The following HELLS variants were observed in gnomAD, a reference collection of about 807,000 sequenced individuals.
HELLS encodes the protein lymphoid-specific helicase.
Under a neutral mutation model 120.0 loss-of-function variants are expected in HELLS, and 32 were observed. That is an observed-to-expected ratio of 0.27 (90% confidence interval 0.20 to 0.36). The LOEUF is 0.36. Ranked by LOEUF, HELLS falls within the 10% of genes least tolerant of loss-of-function variation. The pLI, the probability that HELLS is intolerant of heterozygous loss-of-function variation, is 1.00. For synonymous variants in HELLS, 341 were observed against 323.4 expected, an observed-to-expected ratio of 1.05 and a Z score of -0.58; for missense variants, 650 against 993.4, an observed-to-expected ratio of 0.65 and a Z score of 4.65.
At chr10:94,591,227 T>A (rs922718747) in intron 15 of HELLS, among the ~76,000 whole-genome samples, 5 of 152,244 alleles carry the variant, frequency 3.3e-5, no homozygotes, top group African/African-American at 1.2e-4. Flanking sequence ...GTTTACTTGT[T>A]ATATTTTAGA....
chr10:94,576,463 TTTTG>T (rs1004683749), intron 9 of HELLS, among the ~76,000 whole-genome samples, 195 bp from the exon 10 acceptor site: 6 of 151,380 alleles, frequency 4.0e-5, no homozygotes, highest in African/African-American at 7.4e-5. Context: ...GACTTTGTTT[TTTTG>T]TTTGTTTTTT....
intron 12 of HELLS, among the ~76,000 whole-genome samples, chr10:94,587,282 A>G (rs1363478948): frequency 6.6e-6 from 1 of 152,216 alleles, no homozygotes; most frequent in Admixed American, 6.5e-5. Flanking sequence ...TTTTGGGTAC[A>G]TAGTAGATGT....
intron 6 of HELLS, among the ~76,000 whole-genome samples, chr10:94,568,819 A>G (rs1340376034): frequency 6.6e-6 from 1 of 151,542 alleles, no homozygotes. Flanking sequence ...TTTAGAGGAT[A>G]GTAAATTGAA....
At chr10:94,594,916 TTTTTA>T (rs1845668357) in intron 19 of HELLS, 62 bp downstream of exon 19, 3 of 1,309,834 alleles carry the variant, frequency 2.3e-6, no homozygotes, top group Non-Finnish European at 2.1e-6. Context: ...GTGGATTTTG[TTTTTA>T]TTTTGTTTAT....
At chr10:94,601,081 A>C (rs1381332583) in intron 21 of HELLS, among the ~76,000 whole-genome samples, 2 of 152,222 alleles carry the variant, frequency 1.3e-5, no homozygotes, top group East Asian at 3.8e-4. Context: ...ATGTTGATAA[A>C]AATTTAGGAG....
chr10:94,588,669 T>C (rs1464751204), intron 13 of HELLS, among the ~76,000 whole-genome samples: 1 of 152,130 alleles, frequency 6.6e-6, no homozygotes, highest in Non-Finnish European at 1.5e-5. Flanking sequence ...GTTTTAGCAA[T>C]TGTGCCTGGC....
intron 10 of HELLS, among the ~76,000 whole-genome samples, chr10:94,579,720 T>G (rs991489652): frequency 6.6e-6 from 1 of 151,952 alleles, no homozygotes. Flanking sequence ...TCTTGTATTT[T>G]TTTGTAGGAA....
rs572027707 is a variant in HELLS at position 94,560,813 on chromosome 10, T to C, written c.334-1878T>C. On this transcript the variant is annotated intron_variant, in intron 4 of 21. Transcript: ENST00000348459. ...GCTCACGCCTGCAATCCCAGCACTT[T>C]GGGAGGCCAAGGTGGGCCGATCATC... is the stretch of plus-strand genomic sequence containing the variant. 2.0e-5 allele frequency among the ~76,000 whole-genome samples: 3 copies of C among 152,164 alleles called. No individual in the cohort carries two copies. In the East Asian group the frequency reaches 5.8e-4, roughly 29 times the overall value.
At chr10:94,567,207 G>A (rs572037558) in intron 6 of HELLS, among the ~76,000 whole-genome samples, 7 of 152,160 alleles carry the variant, frequency 4.6e-5, no homozygotes, top group Non-Finnish European at 8.8e-5. Flanking sequence ...CTGGGTCTTT[G>A]CCTTTCAATT....
chr10:94,585,947 T>C lies in HELLS; in HGVS notation c.1327-2282T>C, dbSNP rs533739913. 3.9e-5 allele frequency among the ~76,000 whole-genome samples: 6 copies of C among 152,270 alleles called. No homozygotes were observed. In the South Asian group the frequency reaches 1.0e-3, roughly 26 times the overall value. ...AAGCTTGTATACTAGGAAAAACATA[T>C]ATAAATACCTTTTTTATACATGTGT... On this transcript the variant is annotated intron_variant, in intron 12 of 21. Coordinates refer to ENST00000348459, the MANE Select transcript of HELLS (RefSeq NM_018063.5).
At position 94,576,794 on chromosome 10, in the gene HELLS, A is replaced by C. The variant is rs757695351; in HGVS notation, c.1021A>C (p.Asn341His). The C allele has an allele frequency of 3.1e-6, 5 of 1,606,816 alleles. No homozygotes were observed. The highest frequency in any genetic ancestry group is 4.2e-6 in the Non-Finnish European group (5 of 1,177,156). Residue 341 changes from asparagine (N) to histidine (H), a missense_variant, in exon 10 of 22, where the codon AAT (asparagine) becomes CAT (histidine). This residue lies in a region of HELLS where 61 missense variants were observed against 86.5 expected (regional missense o/e 0.71). Coordinates refer to ENST00000348459, the MANE Select transcript of HELLS (RefSeq NM_018063.5). The stretch of plus-strand genomic sequence containing the variant: ...ATTTGAAATAGCCATGAGAGACCGA[A>C]ATGCGTTACAGGTACAAATGATCTT... The part of the protein sequence containing the change: ...TSFEIAMRDR[N>H]ALQHCYWKYL...
chr10:94,591,482 G>A (rs1845487133), intron 15 of HELLS, among the ~76,000 whole-genome samples: 2 of 152,142 alleles, frequency 1.3e-5, no homozygotes. Flanking sequence ...GTTTACAATA[G>A]GCTTTTCCAC....
intron 3 of HELLS, chr10:94,557,217 A>C (rs1333730163): frequency 2.4e-6 from 1 of 416,160 alleles, no homozygotes; most frequent in Non-Finnish European, 4.9e-6. Flanking sequence ...AAATTGAGAG[A>C]ATACAGTAAG....
chr10:94,546,529 A>T, intron 2 of HELLS, 31 bp downstream of exon 2: 1 of 1,613,208 alleles, frequency 6.2e-7, no homozygotes, highest in Non-Finnish European at 8.5e-7. Context: ...GTCGTCGTGA[A>T]AGCCTGTGGT....
intron 3 of HELLS, among the ~76,000 whole-genome samples, chr10:94,557,352 G>GA (rs1316954797): frequency 6.6e-6 from 1 of 152,064 alleles, no homozygotes; most frequent in Non-Finnish European, 1.5e-5. Flanking sequence ...AAAACAAATG[G>GA]AAAAACAAAT....
chr10:94,570,112 G>A (rs1447697180), intron 6 of HELLS: 2 of 150,256 alleles, frequency 1.3e-5, no homozygotes, highest in African/African-American at 2.5e-5. Flanking sequence ...GTGCCATCTC[G>A]GCTCATTGAA....
At chr10:94,574,821 T>C (rs7079934) in intron 9 of HELLS, 85 bp downstream of exon 9, 448,150 of 994,346 alleles carry the variant, frequency 0.45, 104,222 homozygotes, top group East Asian at 0.69. Context: ...TGTAGAACTC[T>C]TATAATTATA....
intron 13 of HELLS, 79 bp from the exon 14 acceptor site, chr10:94,590,334 T>C: frequency 8.5e-7 from 1 of 1,183,006 alleles, no homozygotes; most frequent in Non-Finnish European, 1.2e-6. Context: ...GTACATAAAA[T>C]ATGCCTTATT....
chr10:94,592,161 T>A, intron 15 of HELLS, 68 bp from the exon 16 acceptor site: 1 of 1,212,920 alleles, frequency 8.2e-7, no homozygotes. Flanking sequence ...ACTTTCCAAA[T>A]GGCTTTTGTT....
Sources: allele counts gnomAD v4.1 joint callset (sites outside exome capture counted in the v4.1 genomes callset), GRCh38; gene constraint gnomAD v4.1.1; regional missense constraint gnomAD v4.1.1; transcripts MANE v1.5; gene names NCBI Gene and HGNC (gene_info 2026-07-23, HGNC 2026-07-21).